NKAIN2: variants seen among roughly 807,000 people sequenced by gnomAD.
NKAIN2 encodes sodium/potassium-transporting ATPase subunit beta-1-interacting protein 2.
Under a neutral mutation model 32.6 loss-of-function variants are expected in NKAIN2, and 14 were observed. That is an observed-to-expected ratio of 0.43 (90% confidence interval 0.28 to 0.67). The LOEUF is 0.67. Ranked by LOEUF, NKAIN2 falls within the 30% of genes least tolerant of loss-of-function variation. The pLI is 0.17. For missense variants in NKAIN2, 198 were observed against 258.3 expected (o/e 0.77, Z 1.60); for synonymous variants, 80 against 87.2 (o/e 0.92, Z 0.46).
chr6:123,844,273 G>A (rs1478324668), intron 1 of NKAIN2, among the ~76,000 whole-genome samples: 6 of 152,192 alleles, frequency 3.9e-5, no homozygotes, highest in South Asian at 2.1e-4. Flanking sequence ...GGAACCAGAC[G>A]TACAGAGCAT....
chr6:124,051,564 T>C (rs558463741), intron 1 of NKAIN2, among the ~76,000 whole-genome samples: 8 of 152,098 alleles, frequency 5.3e-5, no homozygotes, highest in Middle Eastern at 6.8e-3. Flanking sequence ...CCTAATGCTA[T>C]CCCTCCCCGC....
At chr6:124,121,193 T>C (rs554385046) in intron 1 of NKAIN2, among the ~76,000 whole-genome samples, 1 of 152,230 alleles carries the variant, frequency 6.6e-6, no homozygotes, top group South Asian at 2.1e-4. Flanking sequence ...TTGTGTATAA[T>C]GTTGCCCAAG....
chr6:123,935,404 G>A (rs1776455109), intron 1 of NKAIN2, among the ~76,000 whole-genome samples: 1 of 151,378 alleles, frequency 6.6e-6, no homozygotes, highest in African/African-American at 2.4e-5. Flanking sequence ...ACACACCAAT[G>A]TGCATGCATG....
At chr6:124,760,102 T>C (rs951692327) in intron 4 of NKAIN2, among the ~76,000 whole-genome samples, 1 of 152,050 alleles carries the variant, frequency 6.6e-6, no homozygotes, top group Admixed American at 6.6e-5. Flanking sequence ...GAGATCATGT[T>C]CTTTGCAGGA....
intron 1 of NKAIN2, among the ~76,000 whole-genome samples, chr6:123,842,569 A>T (rs1475761885): frequency 6.6e-6 from 1 of 152,170 alleles, no homozygotes; most frequent in Non-Finnish European, 1.5e-5. Context: ...AACAGTATAT[A>T]AATAATAAGA....
At chr6:124,142,935 A>C (rs1050840046) in intron 1 of NKAIN2, among the ~76,000 whole-genome samples, 1 of 152,214 alleles carries the variant, frequency 6.6e-6, no homozygotes, top group African/African-American at 2.4e-5. Context: ...AAGGGAAAAT[A>C]AGGATCTAAA....
At chr6:124,044,616 G>A (rs1782034659) in intron 1 of NKAIN2, among the ~76,000 whole-genome samples, 2 of 152,036 alleles carry the variant, frequency 1.3e-5, no homozygotes, top group Non-Finnish European at 2.9e-5. Flanking sequence ...AATGTACACT[G>A]TTGAGCCCCA....
At chr6:124,208,394 C>T (rs1008416732) in intron 1 of NKAIN2, among the ~76,000 whole-genome samples, 7 of 151,700 alleles carry the variant, frequency 4.6e-5, no homozygotes, top group East Asian at 1.9e-4. Context: ...CAACATTTTT[C>T]GGTAGAAAGC....
At chr6:123,879,502 G>A (rs1325150249) in intron 1 of NKAIN2, among the ~76,000 whole-genome samples, 2 of 152,104 alleles carry the variant, frequency 1.3e-5, no homozygotes. Context: ...TGAAATTAGT[G>A]CTCCAGGTTA....
At chr6:123,988,162 T>G (rs1332537802) in intron 1 of NKAIN2, among the ~76,000 whole-genome samples, 1 of 152,162 alleles carries the variant, frequency 6.6e-6, no homozygotes, top group Non-Finnish European at 1.5e-5. Flanking sequence ...AGAAAAAAAG[T>G]ATAGAAAGAT....
intron 4 of NKAIN2, among the ~76,000 whole-genome samples, chr6:124,670,645 C>CTGTGTGTGTGTGTGTGTGTGTGTGTG (rs57300688): frequency 8.1e-6 from 1 of 123,794 alleles, no homozygotes. Context: ...TCTTTGCTTT[C>CTGTGTGTGTGTGTGTGTGTGTGTGTG]TGTGTGTGTG....
intron 4 of NKAIN2, among the ~76,000 whole-genome samples, chr6:124,726,818 A>G (rs1271488064): frequency 5.9e-5 from 8 of 134,964 alleles, no homozygotes; most frequent in African/African-American, 2.0e-4. Flanking sequence ...AAAAAAATTT[A>G]GAAGAATGTA....
intron 1 of NKAIN2, among the ~76,000 whole-genome samples, chr6:124,158,378 G>T (rs1043444855): frequency 6.6e-6 from 1 of 152,146 alleles, no homozygotes; most frequent in Non-Finnish European, 1.5e-5. Flanking sequence ...CATACCAGGG[G>T]TTAGAGTTTC....
At chr6:123,894,802 C>A (rs1014230264) in intron 1 of NKAIN2, among the ~76,000 whole-genome samples, 6 of 152,032 alleles carry the variant, frequency 3.9e-5, no homozygotes, top group African/African-American at 9.7e-5. Flanking sequence ...TGAACTCAAC[C>A]TCTAAGGGCA....
At chr6:124,099,795 G>A (rs1179432252) in intron 1 of NKAIN2, among the ~76,000 whole-genome samples, 1 of 152,164 alleles carries the variant, frequency 6.6e-6, no homozygotes, top group Non-Finnish European at 1.5e-5. Flanking sequence ...GCACAGGATA[G>A]ACCACAGCAA....
At chr6:124,236,867 GA>G (rs1792795893) in intron 1 of NKAIN2, among the ~76,000 whole-genome samples, 1 of 152,146 alleles carries the variant, frequency 6.6e-6, no homozygotes, top group African/African-American at 2.4e-5. Flanking sequence ...AGATTAATAA[GA>G]TGTTAAGAGA....
intron 3 of NKAIN2, among the ~76,000 whole-genome samples, chr6:124,646,946 G>A (rs185263541): frequency 1.8e-4 from 28 of 151,694 alleles, no homozygotes; most frequent in African/African-American, 4.1e-4. Context: ...GGAAGACTCC[G>A]TCTCAAAAAA....
intron 4 of NKAIN2, among the ~76,000 whole-genome samples, chr6:124,686,546 T>C (rs1257203323): frequency 6.6e-6 from 1 of 152,050 alleles, no homozygotes; most frequent in African/African-American, 2.4e-5. Context: ...ACTAAACCAT[T>C]CATGAAAAAC....
At chr6:123,837,435 TC>T (rs1284978567) in intron 1 of NKAIN2, among the ~76,000 whole-genome samples, 1 of 152,122 alleles carries the variant, frequency 6.6e-6, no homozygotes, top group Non-Finnish European at 1.5e-5. Flanking sequence ...TTGTTTCTCT[TC>T]CACCCACATT....
Sources: allele counts gnomAD v4.1 joint callset (sites outside exome capture counted in the v4.1 genomes callset), GRCh38; gene constraint gnomAD v4.1.1; transcripts MANE v1.5; gene names NCBI Gene and HGNC (gene_info 2026-07-23, HGNC 2026-07-21).